SGCZ: variants seen among roughly 807,000 people sequenced by gnomAD.
SGCZ encodes sarcoglycan zeta, also known as zeta-sarcoglycan.
SGCZ carries 40 observed loss-of-function variants against 41.3 expected under a neutral mutation model. The ratio of observed to expected loss-of-function variants is 0.97; its 90% CI spans 0.75 to 1.26. The LOEUF (loss-of-function observed/expected upper bound fraction) is 1.26. Ranked by LOEUF, SGCZ falls within the 50% of genes most tolerant of loss-of-function variation. SGCZ has a pLI of 0.00. For synonymous variants in SGCZ, 206 were observed against 137.5 expected (o/e 1.50, Z -3.49); for missense variants, 552 against 369.8 (o/e 1.49, Z -4.04).
At position 14,102,357 on chromosome 8, in the gene SGCZ, C is replaced by T. The variant is rs17118638; in HGVS notation, c.744+19G>A. On this transcript the variant is annotated intron_variant, in intron 7 of 7. Coordinates refer to ENST00000382080, the MANE Select transcript of SGCZ (RefSeq NM_139167.4). ...AAAGTGGGCAGTATAGGGCGAGGGT[C>T]CAACTTTCTGGGACTCACCTCCCCT... 4.8e-6 allele frequency: 7 copies of T among 1,459,780 alleles called. No individual in the cohort carries two copies. The highest frequency in any genetic ancestry group is 2.5e-5 in the East Asian group (1 of 39,900). 90.4% of individuals were successfully genotyped at this position (1,459,780 alleles called of 1,614,324 possible).
chr8:14,579,495 A>C (rs1296791183), intron 1 of SGCZ, among the ~76,000 whole-genome samples: 1 of 152,204 alleles, frequency 6.6e-6, no homozygotes, highest in Admixed American at 6.5e-5. Flanking sequence ...TGCATCGATA[A>C]CTGAATGACT....
rs138252693 is a variant in SGCZ at position 15,037,730 on chromosome 8, T to A, written c.39+199855A>T. Among the ~76,000 whole-genome samples, 987 of 152,282 alleles carry A rather than the reference T, an allele frequency of 6.5e-3. 12 individuals carry two copies. Among genetic ancestry groups the A allele is most frequent in the African/African-American group, 0.023 (938 of 41,578 alleles). The stretch of plus-strand genomic sequence containing the variant: ...ATAATCATATGCATGCAGAAAATGC[T>A]AAAGACTCTACCAAAAACTGTTTAG... On this transcript the variant is annotated intron_variant, in intron 1 of 7. Transcript: ENST00000382080.
chr8:14,108,235 C>T lies in SGCZ; in HGVS notation c.548G>A (p.Gly183Asp). ...TIGAEKLKVT[G>D]TEGAVFGHSV... ...GTGCCCAAATACGGCTCCTTCAGTG[C>T]CTGGGGGTAGCATGAATATAGCAGT... is the stretch of plus-strand genomic sequence containing the variant. The change falls in exon 6 of 8, where the codon GGC (glycine) becomes GAC (aspartate). Residue 183 changes from glycine to aspartate, a missense_variant and splice_region_variant. Coordinates refer to ENST00000382080, the MANE Select transcript of SGCZ (RefSeq NM_139167.4). 6.2e-7 allele frequency: 1 copy of T among 1,614,008 alleles called. No individual in the cohort carries two copies. The highest frequency in any genetic ancestry group is 8.5e-7 in the Non-Finnish European group (1 of 1,179,952).
intron 3 of SGCZ, among the ~76,000 whole-genome samples, chr8:14,290,982 A>C (rs1481752154): frequency 6.6e-6 from 1 of 152,150 alleles, no homozygotes; most frequent in Non-Finnish European, 1.5e-5. Context: ...AGTATTGTAA[A>C]TATGTACCAT....
chr8:14,554,013 G>T (rs899410437), intron 2 of SGCZ, among the ~76,000 whole-genome samples: 1 of 152,052 alleles, frequency 6.6e-6, no homozygotes, highest in Admixed American at 6.6e-5. Context: ...AGCTAAACTG[G>T]ACTTTGCTGA....
chr8:14,792,216 G>C (rs532226872), intron 1 of SGCZ, among the ~76,000 whole-genome samples: 2 of 152,240 alleles, frequency 1.3e-5, no homozygotes, highest in East Asian at 3.9e-4. Context: ...ATAACATAAA[G>C]TTTTACGGTT....
intron 1 of SGCZ, among the ~76,000 whole-genome samples, chr8:15,225,907 T>G (rs1426635684): frequency 1.3e-5 from 2 of 152,202 alleles, no homozygotes; most frequent in Non-Finnish European, 2.9e-5. Context: ...GCATCTTTAG[T>G]TAGATTTTGC....
chr8:14,446,807 A>G (rs75411403), intron 2 of SGCZ, among the ~76,000 whole-genome samples: 2,543 of 152,280 alleles, frequency 0.017, 64 homozygotes, highest in African/African-American at 0.058. Context: ...AGTAAAAACT[A>G]ATACGTATAT....
intron 2 of SGCZ, among the ~76,000 whole-genome samples, chr8:14,528,827 C>CAAAAAACAAAAA (rs1803032348): frequency 3.8e-5 from 2 of 52,622 alleles, no homozygotes; most frequent in African/African-American, 2.2e-4. Context: ...ACGGACCAGC[C>CAAAAAACAAAAA]AAAAAAAAAA....
At chr8:14,278,624 TC>T (rs1288087640) in intron 3 of SGCZ, among the ~76,000 whole-genome samples, 1 of 152,182 alleles carries the variant, frequency 6.6e-6, no homozygotes, top group African/African-American at 2.4e-5. Context: ...TTATATATTC[TC>T]TATATTGCTA....
intron 1 of SGCZ, among the ~76,000 whole-genome samples, chr8:14,957,379 T>C (rs1800824742): frequency 6.6e-6 from 1 of 152,062 alleles, no homozygotes; most frequent in Non-Finnish European, 1.5e-5. Flanking sequence ...GAAATTCATA[T>C]CTACCTTTTT....
intron 2 of SGCZ, among the ~76,000 whole-genome samples, chr8:14,357,822 A>C (rs977608527): frequency 3.3e-5 from 5 of 152,148 alleles, no homozygotes; most frequent in African/African-American, 9.7e-5. Context: ...AAAGTAGAGA[A>C]ACTGGTATTT....
At chr8:14,496,742 G>C (rs1257060032) in intron 2 of SGCZ, among the ~76,000 whole-genome samples, 5 of 151,910 alleles carry the variant, frequency 3.3e-5, no homozygotes, top group Non-Finnish European at 5.9e-5. Context: ...CCATAGACAG[G>C]CACTCTCATG....
chr8:14,674,721 T>TTGAAATAG (rs966679011), intron 1 of SGCZ, among the ~76,000 whole-genome samples: 1 of 151,890 alleles, frequency 6.6e-6, no homozygotes. Context: ...TGTATTGTCC[T>TTGAAATAG]TGAAATAGTG....
At chr8:14,599,255 T>C (rs1240227873) in intron 1 of SGCZ, among the ~76,000 whole-genome samples, 1 of 152,022 alleles carries the variant, frequency 6.6e-6, no homozygotes, top group Non-Finnish European at 1.5e-5. Context: ...CTCAAATCCC[T>C]CCTTACCTAT....
intron 1 of SGCZ, among the ~76,000 whole-genome samples, chr8:14,561,919 G>T (rs1045948641): frequency 6.6e-6 from 1 of 152,076 alleles, no homozygotes; most frequent in Non-Finnish European, 1.5e-5. Context: ...TTTCTCCCAA[G>T]GTGTGGAAAA....
At chr8:14,151,582 A>G (rs1171660930) in intron 5 of SGCZ, among the ~76,000 whole-genome samples, 1 of 152,120 alleles carries the variant, frequency 6.6e-6, no homozygotes, top group African/African-American at 2.4e-5. Flanking sequence ...TACATATTCT[A>G]AAGTCAATAT....
At chr8:15,111,678 G>A (rs1446061154) in intron 1 of SGCZ, among the ~76,000 whole-genome samples, 1 of 152,112 alleles carries the variant, frequency 6.6e-6, no homozygotes, top group Non-Finnish European at 1.5e-5. Flanking sequence ...GAGGTGGGCG[G>A]ATCACGAGGT....
chr8:14,118,530 T>C (rs1043164781), intron 5 of SGCZ, among the ~76,000 whole-genome samples: 3 of 152,242 alleles, frequency 2.0e-5, no homozygotes, highest in African/African-American at 2.4e-5. Flanking sequence ...ACTCTGATGA[T>C]AGTTTCTTTT....
Sources: allele counts gnomAD v4.1 joint callset (sites outside exome capture counted in the v4.1 genomes callset), GRCh38; gene constraint gnomAD v4.1.1; transcripts MANE v1.5; gene names NCBI Gene and HGNC (gene_info 2026-07-23, HGNC 2026-07-21).